Variants in ERBB4 observed in about 807,000 individuals in gnomAD.
ERBB4 encodes erb-b2 receptor tyrosine kinase 4, also known as receptor tyrosine-protein kinase erbB-4.
In ERBB4, 42 loss-of-function variants were observed where a neutral mutation model predicts 158.0. That is an observed-to-expected ratio of 0.27 (90% CI 0.21 to 0.34). ERBB4 has a LOEUF of 0.34. ERBB4 is among the 10% of genes least tolerant of loss of function. The pLI is 1.00. For synonymous variants in ERBB4, 583 were observed against 558.7 expected, an observed-to-expected ratio of 1.04 and a Z score of -0.61; for missense variants, 1,333 against 1,624.1, an observed-to-expected ratio of 0.82 and a Z score of 3.08.
intron 1 of ERBB4, among the ~76,000 whole-genome samples, chr2:212,185,785 C>T (rs1345361245): frequency 6.6e-6 from 1 of 151,884 alleles, no homozygotes; most frequent in Non-Finnish European, 1.5e-5. Context: ...GTATGGGGGA[C>T]AGGGAGGGGA....
chr2:212,286,632 T>G (rs1473653740), intron 1 of ERBB4, among the ~76,000 whole-genome samples: 2 of 140,834 alleles, frequency 1.4e-5, no homozygotes, highest in African/African-American at 5.6e-5. Flanking sequence ...ACACAGAGTC[T>G]CGCTTTGTTA....
intron 1 of ERBB4, among the ~76,000 whole-genome samples, chr2:212,191,939 G>A (rs1017454469): frequency 1.0e-4 from 11 of 110,488 alleles, no homozygotes; most frequent in African/African-American, 2.9e-4. Flanking sequence ...TATTATATAT[G>A]ATGCATATGT....
chr2:211,904,402 C>T (rs1289807457), intron 3 of ERBB4, among the ~76,000 whole-genome samples: 1 of 152,080 alleles, frequency 6.6e-6, no homozygotes, highest in Non-Finnish European at 1.5e-5. Flanking sequence ...CATATTCAGG[C>T]TGAAACTCTA....
intron 10 of ERBB4, among the ~76,000 whole-genome samples, chr2:211,704,884 A>G (rs932644631): frequency 2.0e-5 from 3 of 152,194 alleles, no homozygotes; most frequent in African/African-American, 7.2e-5. Context: ...ATGAGTTTTT[A>G]CAAACTAAAA....
intron 3 of ERBB4, among the ~76,000 whole-genome samples, chr2:211,867,622 T>C (rs2078242357): frequency 6.6e-6 from 1 of 152,154 alleles, no homozygotes; most frequent in Non-Finnish European, 1.5e-5. Context: ...CTTTAAGAGA[T>C]GGGGTCTTGC....
intron 1 of ERBB4, among the ~76,000 whole-genome samples, chr2:212,435,594 T>G (rs1397224239): frequency 6.6e-6 from 1 of 151,938 alleles, no homozygotes; most frequent in African/African-American, 2.4e-5. Context: ...TTAGAAGAAA[T>G]CTATAGTGCA....
chr2:211,388,443 C>T (rs775364535), intron 25 of ERBB4, among the ~76,000 whole-genome samples: 2 of 152,126 alleles, frequency 1.3e-5, no homozygotes, highest in Non-Finnish European at 2.9e-5. Context: ...CAGGAGATTT[C>T]GATTTGCCTG....
chr2:212,464,892 TCACACACACACACACACA>T (rs148243973), intron 1 of ERBB4, among the ~76,000 whole-genome samples: 1 of 146,046 alleles, frequency 6.8e-6, no homozygotes. Flanking sequence ...AAGGGAAACA[TCACACACACACACACACA>T]CACACACACA....
intron 1 of ERBB4, among the ~76,000 whole-genome samples, chr2:212,272,875 AAC>A (rs1229307703): frequency 2.6e-5 from 4 of 151,660 alleles, no homozygotes; most frequent in Non-Finnish European, 4.4e-5. Flanking sequence ...TACGTATTTG[AAC>A]ACAGTTTTAC....
At chr2:211,487,251 G>C (rs954319027) in intron 20 of ERBB4, among the ~76,000 whole-genome samples, 3 of 148,916 alleles carry the variant, frequency 2.0e-5, no homozygotes, top group African/African-American at 7.4e-5. Flanking sequence ...GCGGTGTTTG[G>C]TTTTTTGTCC....
chr2:211,877,901 T>A lies in ERBB4; in HGVS notation c.421+69529A>T, dbSNP rs190072845. On this transcript the variant is annotated intron_variant, in intron 3 of 27. Transcript: ENST00000342788. ...GGCGGGCGGGTCACCTGAGGTCAGG[T>A]GTTTGAGACCAGCCTGGCCAACATG... Among the ~76,000 whole-genome samples, 680 of 152,148 alleles carry A rather than the reference T, an allele frequency of 4.5e-3. 5 individuals carry two copies. The highest frequency in any genetic ancestry group is 0.016 in the African/African-American group (655 of 41,538).
intron 4 of ERBB4, among the ~76,000 whole-genome samples, chr2:211,766,524 C>A (rs544252240): frequency 6.6e-6 from 1 of 152,274 alleles, no homozygotes; most frequent in South Asian, 2.1e-4. Context: ...AAACATCTTC[C>A]TTTTGCTTTC....
chr2:212,342,697 A>T (rs2088780427), intron 1 of ERBB4, among the ~76,000 whole-genome samples: 1 of 152,182 alleles, frequency 6.6e-6, no homozygotes, highest in Non-Finnish European at 1.5e-5. Flanking sequence ...ATTATCCCAA[A>T]TATTATCATA....
intron 19 of ERBB4, among the ~76,000 whole-genome samples, chr2:211,615,740 G>T (rs1382553947): frequency 6.6e-6 from 1 of 152,010 alleles, no homozygotes; most frequent in Non-Finnish European, 1.5e-5. Flanking sequence ...TTTCATTGTG[G>T]TGATAAATTT....
At chr2:212,476,640 T>C (rs530245615) in intron 1 of ERBB4, among the ~76,000 whole-genome samples, 28 of 152,276 alleles carry the variant, frequency 1.8e-4, no homozygotes, top group African/African-American at 6.5e-4. Flanking sequence ...ATTGAGCAGA[T>C]GAGAATTTAA....
chr2:211,476,170 G>A (rs1428842466), intron 20 of ERBB4, among the ~76,000 whole-genome samples: 1 of 152,016 alleles, frequency 6.6e-6, no homozygotes, highest in Non-Finnish European at 1.5e-5. Context: ...GGCATTTTAA[G>A]ACAGAGGGGA....
At chr2:212,081,212 A>G (rs780170316) in intron 2 of ERBB4, among the ~76,000 whole-genome samples, 15 of 152,112 alleles carry the variant, frequency 9.9e-5, no homozygotes, top group Admixed American at 3.3e-4. Context: ...GTGGTGAGGG[A>G]GGTAGGTGTG....
At chr2:211,952,644 C>A (rs1343889152) in intron 2 of ERBB4, among the ~76,000 whole-genome samples, 2 of 152,060 alleles carry the variant, frequency 1.3e-5, no homozygotes. Flanking sequence ...CCAAACCTAG[C>A]CTTTGTGCTT....
At chr2:211,875,095 C>T (rs1310349659) in intron 3 of ERBB4, among the ~76,000 whole-genome samples, 1 of 93,292 alleles carries the variant, frequency 1.1e-5, no homozygotes, top group Admixed American at 1.0e-4. Context: ...ATGCAGATAA[C>T]GTTTTTTTTT....
Sources: gnomAD v4.1 joint callset for allele counts (sites outside exome capture counted in the v4.1 genomes callset) on GRCh38, gnomAD v4.1.1 for gene constraint, MANE v1.5 for transcripts, NCBI Gene and HGNC (gene_info 2026-07-23, HGNC 2026-07-21) for gene names.